The following NFIA variants were observed in gnomAD, a reference collection of about 807,000 sequenced individuals.
NFIA encodes nuclear factor 1 A-type.
In NFIA, 8 loss-of-function variants were observed where a neutral mutation model predicts 62.8. The ratio of observed to expected loss-of-function variants is 0.13; its 90% CI spans 0.07 to 0.23. NFIA has a LOEUF of 0.23. Ranked by LOEUF, NFIA falls within the 10% of genes least tolerant of loss-of-function variation. The probability of loss-of-function intolerance (pLI) is 1.00; values close to 1 mark genes in which losing one functional copy is unlikely to be tolerated. For missense variants in NFIA, 410 were observed against 642.1 expected, an observed-to-expected ratio of 0.64 and a Z score of 3.91; for synonymous variants, 235 against 238.1, an observed-to-expected ratio of 0.99 and a Z score of 0.12.
intron 4 of NFIA, among the ~76,000 whole-genome samples, chr1:61,339,922 T>G (rs914611928): frequency 6.6e-6 from 1 of 152,230 alleles, no homozygotes; most frequent in African/African-American, 2.4e-5. Flanking sequence ...GTGTTCGATA[T>G]GTGCCCTGGC....
chr1:61,222,772 T>A (rs1654099390), intron 2 of NFIA, among the ~76,000 whole-genome samples: 1 of 152,096 alleles, frequency 6.6e-6, no homozygotes. Context: ...ATATGTAAGA[T>A]ATGTATATCT....
At chr1:61,395,640 C>G (rs1203311704) in intron 7 of NFIA, among the ~76,000 whole-genome samples, 1 of 152,204 alleles carries the variant, frequency 6.6e-6, no homozygotes, top group Non-Finnish European at 1.5e-5. Flanking sequence ...AACCATCACT[C>G]TAAATATTTC....
chr1:61,212,296 T>A (rs1653315759), intron 2 of NFIA, among the ~76,000 whole-genome samples: 2 of 152,192 alleles, frequency 1.3e-5, no homozygotes, highest in Admixed American at 6.5e-5. Context: ...AAAGCTTATT[T>A]TTCTAGACAA....
At chr1:61,130,427 T>C (rs1647053648) in intron 2 of NFIA, among the ~76,000 whole-genome samples, 1 of 152,212 alleles carries the variant, frequency 6.6e-6, no homozygotes, top group South Asian at 2.1e-4. Flanking sequence ...AGGAGAGAAG[T>C]TGGTACTTGT....
At chr1:61,218,789 T>G (rs1323685629) in intron 2 of NFIA, among the ~76,000 whole-genome samples, 3 of 152,352 alleles carry the variant, frequency 2.0e-5, no homozygotes, top group African/African-American at 7.2e-5. Flanking sequence ...GTCACTGAGT[T>G]TGTTTGCAAG....
intron 2 of NFIA, among the ~76,000 whole-genome samples, chr1:61,140,320 C>A (rs1647408519): frequency 7.9e-6 from 1 of 126,250 alleles, no homozygotes; most frequent in Non-Finnish European, 1.6e-5. Context: ...TTACTGCCTC[C>A]AGGATGTTGG....
At chr1:61,337,990 T>A (rs1479120416) in intron 4 of NFIA, among the ~76,000 whole-genome samples, 1 of 150,704 alleles carries the variant, frequency 6.6e-6, no homozygotes, top group Non-Finnish European at 1.5e-5. Context: ...CCTAACTACT[T>A]CACTGGGAAA....
At chr1:61,243,569 A>G (rs1296733049) in intron 2 of NFIA, among the ~76,000 whole-genome samples, 1 of 152,134 alleles carries the variant, frequency 6.6e-6, no homozygotes, top group Non-Finnish European at 1.5e-5. Flanking sequence ...TCTATTACAT[A>G]TTCATTGATG....
rs1665330729 is a variant in NFIA, at chr1:61,397,349, C to A, written c.1076-6755C>A. On this transcript the variant is annotated intron_variant, in intron 7 of 10. Transcript: ENST00000403491. ...TTGTTTGTGGAATTATTTTCAAGGC[C>A]CTCATGTCATATCCATGCTGATAGT... Among the ~76,000 whole-genome samples the A allele has an allele frequency of 2.0e-5, 3 of 151,976 alleles. No homozygotes were observed. In the South Asian group the frequency reaches 6.2e-4, roughly 32 times the overall value.
At position 61,082,679 on chromosome 1, in the gene NFIA, T is replaced by C; in HGVS notation, c.-113T>C. The C allele has an allele frequency of 6.6e-7, 1 of 1,520,382 alleles. No homozygotes were observed. The highest frequency in any genetic ancestry group is 8.9e-7 in the Non-Finnish European group (1 of 1,128,268). The allele number at this position is 1,520,382 out of a possible 1,614,324, so 94.2% of individuals were successfully genotyped here. On this transcript the variant is annotated 5_prime_UTR_variant, in exon 1 of 11. Transcript: ENST00000403491. ...ATTTTTTTTTCTCCCCCCTTCTCTC[T>C]CTCTCTCTCTCTCTCTCTTCCTCTC...
At chr1:61,271,007 C>T (rs1246218121) in intron 2 of NFIA, among the ~76,000 whole-genome samples, 5 of 152,188 alleles carry the variant, frequency 3.3e-5, no homozygotes, top group Non-Finnish European at 1.5e-5. Context: ...TAATCACCAG[C>T]TTCTTACCAT....
upstream of NFIA, among the ~76,000 whole-genome samples, chr1:61,078,536 C>A (rs1646059247): frequency 6.6e-6 from 1 of 152,174 alleles, no homozygotes; most frequent in African/African-American, 2.4e-5. Context: ...ACTTCTTACT[C>A]TGATTATCTT....
At chr1:61,170,621 T>A (rs1418751612) in intron 2 of NFIA, among the ~76,000 whole-genome samples, 1 of 152,068 alleles carries the variant, frequency 6.6e-6, no homozygotes, top group Non-Finnish European at 1.5e-5. Flanking sequence ...CCCCCAGACC[T>A]TTTTTTGCCA....
intron 2 of NFIA, among the ~76,000 whole-genome samples, chr1:61,099,106 C>T (rs1646466359): frequency 6.6e-6 from 1 of 152,204 alleles, no homozygotes; most frequent in African/African-American, 2.4e-5. Flanking sequence ...TTTTAAACTA[C>T]AGTAACTCTG....
At position 61,462,626 on chromosome 1, in the gene NFIA, T is replaced by G. The variant is rs1260034579; in HGVS notation, c.*7306T>G. 6.6e-6 allele frequency: 1 copy of G among 152,236 alleles called. No individual in the cohort carries two copies. Among genetic ancestry groups the G allele is most frequent in the South Asian group, 2.1e-4 (1 of 4,836 alleles). 9.4% of individuals were successfully genotyped at this position (152,236 alleles called of 1,614,324 possible). A position where few individuals can be genotyped will look rare whatever the true frequency, so the allele number is the denominator to read the frequency against. The stretch of plus-strand genomic sequence containing the variant: ...GAATCACTGTGGGCGTCCATTCTTA[T>G]TCAACTAAATCTCCACAGGTTTTTT... On this transcript the variant is annotated 3_prime_UTR_variant, in exon 11 of 11. Transcript: ENST00000403491.
chr1:61,254,211 T>C (rs954496042), intron 2 of NFIA, among the ~76,000 whole-genome samples: 1 of 152,260 alleles, frequency 6.6e-6, no homozygotes, highest in Admixed American at 6.5e-5. Flanking sequence ...ATAGCAGTTG[T>C]CTGTAATAGA....
chr1:61,131,823 C>T (rs1208814515), intron 2 of NFIA, among the ~76,000 whole-genome samples: 1 of 152,064 alleles, frequency 6.6e-6, no homozygotes, highest in Non-Finnish European at 1.5e-5. Flanking sequence ...TTTTCTGATA[C>T]AGACCAAGCT....
chr1:61,361,782 G>GGTGTGTGTGTGTGTGT (rs61410878), intron 6 of NFIA, among the ~76,000 whole-genome samples: 4 of 142,178 alleles, frequency 2.8e-5, no homozygotes, highest in African/African-American at 1.1e-4. Context: ...TTTGGTAAGA[G>GGTGTGTGTGTGTGTGT]GTGTGTGTGT....
intron 7 of NFIA, among the ~76,000 whole-genome samples, chr1:61,400,678 G>A (rs572512092): frequency 5.3e-5 from 8 of 152,192 alleles, no homozygotes; most frequent in East Asian, 1.9e-4. Flanking sequence ...GTTTTTCTTC[G>A]TCAAAAATCT....
Sources: allele counts gnomAD v4.1 joint callset (sites outside exome capture counted in the v4.1 genomes callset), GRCh38; gene constraint gnomAD v4.1.1; transcripts MANE v1.5; gene names NCBI Gene and HGNC (gene_info 2026-07-23, HGNC 2026-07-21).